PDE1C: variants seen among roughly 807,000 people sequenced by gnomAD.
PDE1C encodes dual specificity calcium/calmodulin-dependent 3',5'-cyclic nucleotide phosphodiesterase 1C.
PDE1C carries 62 observed loss-of-function variants against 93.1 expected under a neutral mutation model. That is an observed-to-expected ratio of 0.67 (90% CI 0.54 to 0.82). The LOEUF (loss-of-function observed/expected upper bound fraction) is 0.82, where lower values mean the gene tolerates loss of function less well. PDE1C is among the 40% of genes least tolerant of loss of function. PDE1C has a pLI of 0.00. For synonymous variants in PDE1C, 325 were observed against 310.1 expected (o/e 1.05, Z -0.50); for missense variants, 742 against 884.6 (o/e 0.84, Z 2.04).
At chr7:31,775,284 G>A (rs1379867593) in intron 17 of PDE1C, among the ~76,000 whole-genome samples, 1 of 152,142 alleles carries the variant, frequency 6.6e-6, no homozygotes, top group African/African-American at 2.4e-5. Flanking sequence ...GCACATGTGA[G>A]GGCACACAAT....
chr7:31,968,313 T>C (rs1017647599), intron 2 of PDE1C, among the ~76,000 whole-genome samples: 8 of 151,914 alleles, frequency 5.3e-5, no homozygotes, highest in Non-Finnish European at 1.0e-4. Context: ...TACACACCAA[T>C]AACAGACAAA....
intron 3 of PDE1C, among the ~76,000 whole-genome samples, chr7:32,165,575 A>AG (rs1419349237): frequency 6.6e-6 from 1 of 152,306 alleles, no homozygotes; most frequent in African/African-American, 2.4e-5. Flanking sequence ...AAGAGTAAGC[A>AG]GGGGAAATGC....
chr7:31,688,208 A>G, the PDE1C span, among the ~76,000 whole-genome samples: 2 of 152,328 alleles, frequency 1.3e-5, no homozygotes, highest in African/African-American at 4.8e-5. Context: ...CCTGGAGAAG[A>G]GCCACTATCT....
At chr7:32,088,007 TAAAATAAA>T (rs1422900937) in intron 3 of PDE1C, among the ~76,000 whole-genome samples, 1 of 146,050 alleles carries the variant, frequency 6.8e-6, no homozygotes, top group Non-Finnish European at 1.5e-5. Context: ...ATAATAATAA[TAAAATAAA>T]AAAATAAAAA....
intron 16 of PDE1C, among the ~76,000 whole-genome samples, chr7:31,776,382 T>G (rs373269488): frequency 1.6e-4 from 24 of 152,304 alleles, no homozygotes; most frequent in African/African-American, 5.8e-4. Context: ...GCTAGTTTAG[T>G]GGGGTTTCTT....
In PDE1C at chr7:31,875,831, A is replaced by ATATATATATATATG. The variant is rs761399274; in HGVS notation, c.492+2138_492+2139insCATATATATATATA. On this transcript the variant is annotated intron_variant, in intron 5 of 17. Transcript: ENST00000396191. ...TATATATATATATATATATATATAT[A>ATATATATATATATG]TATAATGGAAAAAGTAAAATAACAT... Among the ~76,000 whole-genome samples the ATATATATATATATG allele has an allele frequency of 7.8e-3, 706 of 90,032 alleles. 60 individuals carry two copies. Among genetic ancestry groups the ATATATATATATATG allele is most frequent in the South Asian group, 0.014 (33 of 2,316 alleles). 59.1% of individuals were successfully genotyped at this position (90,032 alleles called of 152,430 possible).
intron 2 of PDE1C, among the ~76,000 whole-genome samples, chr7:31,925,340 G>C (rs991900866): frequency 6.6e-6 from 1 of 151,996 alleles, no homozygotes; most frequent in African/African-American, 2.4e-5. Context: ...TATTTAATTT[G>C]TTAAGTCAAC....
At chr7:32,245,251 C>T (rs981358643) in intron 1 of PDE1C, among the ~76,000 whole-genome samples, 3 of 152,134 alleles carry the variant, frequency 2.0e-5, no homozygotes, top group South Asian at 2.1e-4. Context: ...GCACTGCCAT[C>T]CCATCAACCC....
At chr7:31,839,675 TG>T (rs1791596772) in intron 9 of PDE1C, among the ~76,000 whole-genome samples, 1 of 152,214 alleles carries the variant, frequency 6.6e-6, no homozygotes, top group Non-Finnish European at 1.5e-5. Flanking sequence ...TAGACACATA[TG>T]TTTTCATTTA....
At chr7:31,656,475 T>C in the PDE1C span, 1 of 981,380 alleles carries the variant, frequency 1.0e-6, no homozygotes, top group Non-Finnish European at 1.2e-6. Flanking sequence ...CAAGTGCACA[T>C]ACCAAGAACT....
At chr7:31,621,232 G>A in the PDE1C span, among the ~76,000 whole-genome samples, 31 of 148,222 alleles carry the variant, frequency 2.1e-4, no homozygotes, top group East Asian at 4.0e-4. Context: ...GCAGGCCAAC[G>A]TTCAGATTCA....
intron 1 of PDE1C, among the ~76,000 whole-genome samples, chr7:32,055,429 G>A (rs1793943916): frequency 6.6e-6 from 1 of 152,170 alleles, no homozygotes; most frequent in African/African-American, 2.4e-5. Flanking sequence ...GAGAGGTTAA[G>A]TAACTTGCCT....
intron 3 of PDE1C, among the ~76,000 whole-genome samples, chr7:32,134,991 A>G (rs924472128): frequency 3.3e-5 from 5 of 152,194 alleles, no homozygotes; most frequent in Admixed American, 2.6e-4. Flanking sequence ...ATGAGACCAA[A>G]AAGTGGCAAT....
chr7:32,038,023 T>C (rs570145466), intron 2 of PDE1C, among the ~76,000 whole-genome samples: 1 of 152,290 alleles, frequency 6.6e-6, no homozygotes, highest in South Asian at 2.1e-4. Flanking sequence ...ATTTTGCAAA[T>C]CTCACCTACC....
intron 1 of PDE1C, among the ~76,000 whole-genome samples, chr7:32,368,080 G>C (rs1226284528): frequency 6.6e-6 from 1 of 152,090 alleles, no homozygotes; most frequent in Non-Finnish European, 1.5e-5. Flanking sequence ...CCTGGAACAA[G>C]ACAAGGGTGC....
intron 6 of PDE1C, among the ~76,000 whole-genome samples, chr7:31,865,403 A>T (rs1452438334): frequency 6.6e-6 from 1 of 152,188 alleles, no homozygotes; most frequent in East Asian, 1.9e-4. Context: ...ACACATAGAA[A>T]ACTGAGTTGT....
chr7:32,087,071 T>C (rs1289182325), intron 3 of PDE1C, among the ~76,000 whole-genome samples: 1 of 152,054 alleles, frequency 6.6e-6, no homozygotes, highest in East Asian at 1.9e-4. Flanking sequence ...ACAGGCAACC[T>C]ACAAAATGGG....
chr7:32,226,881 A>G (rs1212058085), intron 1 of PDE1C, among the ~76,000 whole-genome samples: 1 of 152,190 alleles, frequency 6.6e-6, no homozygotes, highest in African/African-American at 2.4e-5. Context: ...TCCCCAGCCA[A>G]CACTGCAGCT....
intron 2 of PDE1C, among the ~76,000 whole-genome samples, chr7:31,964,222 A>G (rs1051223890): frequency 6.6e-6 from 1 of 152,218 alleles, no homozygotes; most frequent in Admixed American, 6.5e-5. Context: ...GAAAGGGATG[A>G]CAGATGGCAC....
Sources: gnomAD v4.1 joint callset for allele counts (sites outside exome capture counted in the v4.1 genomes callset) on GRCh38, gnomAD v4.1.1 for gene constraint, MANE v1.5 for transcripts, NCBI Gene and HGNC (gene_info 2026-07-23, HGNC 2026-07-21) for gene names.